Variants in PCDHA8 observed in about 807,000 individuals in gnomAD.
PCDHA8 encodes the protein protocadherin alpha 8, also known as protocadherin alpha-8.
PCDHA8 carries 53 observed loss-of-function variants against 61.8 expected under a neutral mutation model. The observed-to-expected ratio is 0.86, with a 90% CI of 0.69 to 1.08. The LOEUF (loss-of-function observed/expected upper bound fraction) is 1.08, where lower values mean the gene tolerates loss of function less well. PCDHA8 is among the 50% of genes least tolerant of loss of function. PCDHA8 has a pLI of 0.00. For synonymous variants in PCDHA8, 618 were observed against 556.6 expected (o/e 1.11, Z -1.55); for missense variants, 1,293 against 1,245.0 (o/e 1.04, Z -0.58).
intron 1 of PCDHA8, chr5:140,875,958 C>T (rs1312300687): frequency 1.2e-6 from 2 of 1,613,962 alleles, no homozygotes; most frequent in Admixed American, 3.3e-5. Context: ...ATGCGGATAT[C>T]GGCGTAAACT....
Position 140,843,346 on chromosome 5 carries a change from TC to T in PCDHA8, c.2027del (p.Pro676GlnfsTer25), listed in dbSNP as rs1554139985. 10 of 1,595,966 alleles carry T rather than the reference TC, an allele frequency of 6.3e-6. 1 individual carries two copies. In the Middle Eastern group the frequency reaches 5.0e-4, roughly 80 times the overall value. On this transcript the variant is annotated frameshift_variant, in exon 1 of 4. Coordinates refer to ENST00000531613, the MANE Select transcript of PCDHA8 (RefSeq NM_018911.3). LOFTEE classifies it high-confidence loss of function. ...TGTCGCTGGTGGAGAGCGGCCAGGC[TC>T]CAAAAGCGTCATCGAGGCAGTCGGC... is the stretch of plus-strand genomic sequence containing the variant. ...LVSLVESGQA[P>X]KASSRQSAGV...
At chr5:140,917,397 C>T (rs1606123) in intron 1 of PCDHA8, among the ~76,000 whole-genome samples, 6,084 of 150,666 alleles carry the variant, frequency 0.04, 137 homozygotes, top group Non-Finnish European at 0.052. Context: ...TGTGCAGAAG[C>T]TCTTTAGTTT....
At chr5:140,881,353 G>T (rs537796043) in intron 1 of PCDHA8, 4 of 985,178 alleles carry the variant, frequency 4.1e-6, no homozygotes, top group Non-Finnish European at 4.8e-6. Context: ...GCTACAATGC[G>T]TGGCTTTCGT....
intron 1 of PCDHA8, among the ~76,000 whole-genome samples, chr5:140,918,373 C>A (rs1459758959): frequency 6.6e-6 from 1 of 152,056 alleles, no homozygotes; most frequent in Non-Finnish European, 1.5e-5. Context: ...TATTTGGATG[C>A]CTTTTATTTC....
chr5:140,966,501 C>A (rs993120522), intron 1 of PCDHA8: 8 of 436,558 alleles, frequency 1.8e-5, no homozygotes, highest in Admixed American at 8.7e-5. Flanking sequence ...GGAGCTGTAG[C>A]GGCAGCAGCA....
intron 1 of PCDHA8, among the ~76,000 whole-genome samples, chr5:140,897,497 G>C (rs1554187423): frequency 6.6e-6 from 1 of 152,010 alleles, no homozygotes; most frequent in Admixed American, 6.6e-5. Flanking sequence ...TTTCAACCAT[G>C]TCCCTACAAA....
chr5:140,906,965 G>T (rs1273243518), intron 1 of PCDHA8, among the ~76,000 whole-genome samples: 1 of 152,124 alleles, frequency 6.6e-6, no homozygotes, highest in Non-Finnish European at 1.5e-5. Flanking sequence ...ATGGAATCGT[G>T]GTTGTGTCTT....
chr5:140,856,891 C>G (rs1432277991), intron 1 of PCDHA8: 3 of 1,595,930 alleles, frequency 1.9e-6, no homozygotes, highest in African/African-American at 2.7e-5. Context: ...ATTCATTTAG[C>G]TCTTTGGTCC....
At chr5:140,986,246 C>G (rs561365390) in intron 3 of PCDHA8, among the ~76,000 whole-genome samples, 1 of 152,296 alleles carries the variant, frequency 6.6e-6, no homozygotes, top group South Asian at 2.1e-4. Flanking sequence ...TGAGCAGACC[C>G]GGACCACAGG....
In PCDHA8 at chr5:141,011,182, G is replaced by C. The variant is rs887034679; in HGVS notation, c.*1245G>C. The C allele has an allele frequency of 6.5e-6, 1 of 153,494 alleles. No individual in the cohort carries two copies. Among genetic ancestry groups the C allele is most frequent in the African/African-American group, 2.4e-5 (1 of 41,364 alleles). The allele number at this position is 153,494 out of a possible 1,614,324, so 9.5% of individuals were successfully genotyped here. A position where few individuals can be genotyped will look rare whatever the true frequency, so the allele number is the denominator to read the frequency against. On this transcript the variant is annotated 3_prime_UTR_variant, in exon 4 of 4. Coordinates refer to ENST00000531613, the MANE Select transcript of PCDHA8 (RefSeq NM_018911.3). The stretch of plus-strand genomic sequence containing the variant: ...TATATATCAAGACCCAAAAATTGAA[G>C]AAAAATATTGTTTTCTCATACAGTG...
intron 1 of PCDHA8, chr5:140,967,921 C>T (rs781932025): frequency 6.2e-6 from 10 of 1,614,172 alleles, no homozygotes; most frequent in South Asian, 4.4e-5. Flanking sequence ...CCATTGTGGC[C>T]GTTCTCAGTG....
chr5:140,883,672 T>C (rs782302494), intron 1 of PCDHA8: 2 of 1,613,366 alleles, frequency 1.2e-6, no homozygotes, highest in Non-Finnish European at 1.7e-6. Context: ...AGGAAAACAA[T>C]CCGCCGGGCT....
chr5:140,873,739 C>A (rs571863406), intron 1 of PCDHA8, among the ~76,000 whole-genome samples: 1 of 152,294 alleles, frequency 6.6e-6, no homozygotes, highest in African/African-American at 2.4e-5. Flanking sequence ...CAGCTCACTG[C>A]AATCTCCACC....
At chr5:140,857,449 C>T (rs2044602345) in intron 1 of PCDHA8, 1 of 1,598,510 alleles carries the variant, frequency 6.3e-7, no homozygotes, top group East Asian at 2.2e-5. Context: ...AGGAGAACAA[C>T]CCGCCAGGCT....
intron 1 of PCDHA8, among the ~76,000 whole-genome samples, chr5:140,885,554 A>G (rs1025656025): frequency 5.3e-5 from 8 of 152,140 alleles, no homozygotes; most frequent in African/African-American, 1.9e-4. Context: ...TGTTATTTCT[A>G]CGAAATTGAT....
In PCDHA8 at chr5:140,876,087, G is replaced by T. The variant is rs1554168252; in HGVS notation, c.2394+32372G>T. ...GGAAGTTATTGGACAGAGAGCAAAC[G>T]CCAAAACTCAATTTATTGCTGATGG... On this transcript the variant is annotated intron_variant, in intron 1 of 3. Coordinates refer to ENST00000531613, the MANE Select transcript of PCDHA8 (RefSeq NM_018911.3). The T allele has an allele frequency of 1.9e-6, 3 of 1,613,922 alleles. No individual in the cohort carries two copies. The South Asian group carries it at 3.3e-5, about 18-fold the overall frequency.
chr5:140,877,236 C>T, intron 1 of PCDHA8: 8 of 1,613,686 alleles, frequency 5.0e-6, no homozygotes, highest in Non-Finnish European at 6.8e-6. Context: ...TGGGTGCGGG[C>T]CACGTGGTGG....
intron 1 of PCDHA8, chr5:140,927,894 C>A (rs372774238): frequency 1.2e-6 from 2 of 1,614,208 alleles, no homozygotes; most frequent in East Asian, 2.2e-5. Context: ...CTGACGTGAA[C>A]GATCATGCCC....
intron 1 of PCDHA8, among the ~76,000 whole-genome samples, chr5:140,889,267 A>T (rs1376262292): frequency 6.6e-6 from 1 of 151,966 alleles, no homozygotes; most frequent in Non-Finnish European, 1.5e-5. Context: ...AAGTTTGTAT[A>T]ATCTTTGAAT....
Sources: gnomAD v4.1 joint callset for allele counts (sites outside exome capture counted in the v4.1 genomes callset) on GRCh38, gnomAD v4.1.1 for gene constraint, MANE v1.5 for transcripts, NCBI Gene and HGNC (gene_info 2026-07-23, HGNC 2026-07-21) for gene names.